Variants in CSMD1 observed in about 807,000 individuals in gnomAD.
CSMD1 encodes the protein CUB and sushi domain-containing protein 1.
In CSMD1, 213 loss-of-function variants were observed where a neutral mutation model predicts 417.5. That is an observed-to-expected ratio of 0.51 (90% CI 0.46 to 0.57). The LOEUF (loss-of-function observed/expected upper bound fraction) is 0.57. Among genes scored for constraint, CSMD1 ranks in the 20% least tolerant of loss-of-function variants. The probability of loss-of-function intolerance (pLI) is 0.00; values close to 1 mark genes in which losing one functional copy is unlikely to be tolerated. For missense variants in CSMD1, 6,923 were observed against 4,529.7 expected, an observed-to-expected ratio of 1.53 and a Z score of -15.17; for synonymous variants, 2,862 against 1,736.8, an observed-to-expected ratio of 1.65 and a Z score of -16.11.
chr8:2,962,616 T>A lies in CSMD1; in HGVS notation c.9478A>T (p.Ile3160Phe), dbSNP rs759792698. Residue 3160 changes from isoleucine to phenylalanine, a missense_variant, in exon 61 of 70, where the codon ATC becomes TTC. Physicochemically the swap from Ile to Phe is conservative, Grantham distance 21. Transcript: ENST00000635120. The part of the protein sequence containing the change: ...CLPVFCGDPG[I>F]PAEGRLSGKS... ...CCACTAAGTCGCCCTTCTGCGGGGA[T>A]GCCAGGGTCTCCGCAGAACACAGCT... The A allele has an allele frequency of 1.2e-6, 2 of 1,613,824 alleles. No individual in the cohort carries two copies. The highest frequency in any genetic ancestry group is 1.7e-6 in the Non-Finnish European group (2 of 1,179,820).
At chr8:3,616,121 T>C (rs1420185219) in intron 8 of CSMD1, among the ~76,000 whole-genome samples, 2 of 152,144 alleles carry the variant, frequency 1.3e-5, no homozygotes, top group Non-Finnish European at 2.9e-5. Context: ...TCTTTAAACA[T>C]TAAAAGAATT....
chr8:3,372,624 T>G (rs7014696), intron 18 of CSMD1, among the ~76,000 whole-genome samples: 117,211 of 151,964 alleles, frequency 0.77, 45,672 homozygotes, highest in African/African-American at 0.89. Flanking sequence ...TGATTGTGAG[T>G]TCATAACCTG....
At chr8:4,693,244 T>C (rs935786604) in intron 1 of CSMD1, among the ~76,000 whole-genome samples, 7 of 152,226 alleles carry the variant, frequency 4.6e-5, no homozygotes, top group African/African-American at 1.7e-4. Context: ...GCAAGAAATG[T>C]TCTCTGCCAA....
chr8:3,117,612 C>G (rs995128967), intron 42 of CSMD1, among the ~76,000 whole-genome samples: 6 of 152,146 alleles, frequency 3.9e-5, no homozygotes, highest in Non-Finnish European at 8.8e-5. Context: ...TCTTCCTACA[C>G]ATAGTATGGA....
intron 51 of CSMD1, among the ~76,000 whole-genome samples, chr8:3,021,171 C>T (rs1337145033): frequency 2.6e-5 from 4 of 152,186 alleles, no homozygotes; most frequent in African/African-American, 2.4e-5. Flanking sequence ...TCCCTCTGCT[C>T]GTATGGCTGT....
At chr8:4,975,406 T>C (rs1810491685) in intron 1 of CSMD1, among the ~76,000 whole-genome samples, 1 of 152,242 alleles carries the variant, frequency 6.6e-6, no homozygotes, top group Non-Finnish European at 1.5e-5. Context: ...GTAAGCGGCC[T>C]TATTGAATGT....
intron 7 of CSMD1, among the ~76,000 whole-genome samples, chr8:3,700,215 T>G (rs757248616): frequency 2.0e-5 from 3 of 152,144 alleles, no homozygotes; most frequent in Non-Finnish European, 4.4e-5. Flanking sequence ...AAGAGCTTAC[T>G]CATGTAACCA....
At chr8:3,423,585 CAATGGTCCTCCACTCTG>C (rs1813632157) in intron 12 of CSMD1, among the ~76,000 whole-genome samples, 1 of 152,122 alleles carries the variant, frequency 6.6e-6, no homozygotes, top group Non-Finnish European at 1.5e-5. Flanking sequence ...CCAGCTGACT[CAATGGTCCTCCACTCTG>C]TGGCTTTGGC....
At chr8:4,053,255 G>C (rs1238094023) in intron 3 of CSMD1, among the ~76,000 whole-genome samples, 2 of 152,220 alleles carry the variant, frequency 1.3e-5, no homozygotes, top group African/African-American at 2.4e-5. Context: ...AGACTACCAA[G>C]ATTTATTCAA....
chr8:3,493,647 C>A lies in CSMD1; in HGVS notation c.1424G>T (p.Gly475Val), dbSNP rs777977405. 3.7e-6 allele frequency: 6 copies of A among 1,611,464 alleles called. No homozygotes were observed. The highest frequency in any genetic ancestry group is 5.1e-6 in the Non-Finnish European group (6 of 1,178,918). ...TLTVGDAGKV[G>V]DTRSVLYVLT... Reference sequence around the variant, plus strand: ...CACGTACAAGACCGATCTGGTGTCTCCCACCTTCCCAGCATCACCAACCGT... The same window carrying A: ...CACGTACAAGACCGATCTGGTGTCTACCACCTTCCCAGCATCACCAACCGT... The change falls in exon 11 of 70, where the codon GGA becomes GTA. Residue 475 changes from glycine to valine, a missense_variant. Physicochemically the swap from Gly to Val is moderately radical, Grantham distance 109. Transcript: ENST00000635120.
chr8:4,942,793 A>C (rs1361023989), intron 1 of CSMD1, among the ~76,000 whole-genome samples: 1 of 152,254 alleles, frequency 6.6e-6, no homozygotes, highest in Non-Finnish European at 1.5e-5. Context: ...AGGGAATTGG[A>C]AACTGCAACT....
At chr8:4,659,163 C>T (rs1192974508) in intron 1 of CSMD1, among the ~76,000 whole-genome samples, 6 of 151,970 alleles carry the variant, frequency 3.9e-5, no homozygotes, top group Non-Finnish European at 5.9e-5. Flanking sequence ...TAAAAAGTTT[C>T]CTGGAGACAA....
chr8:4,061,133 C>T (rs764923528), intron 3 of CSMD1, among the ~76,000 whole-genome samples: 1 of 152,166 alleles, frequency 6.6e-6, no homozygotes, highest in African/African-American at 2.4e-5. Flanking sequence ...CTCCAGCAGG[C>T]TCATCTCATC....
At chr8:3,457,327 C>T (rs749261418) in intron 12 of CSMD1, among the ~76,000 whole-genome samples, 4 of 152,182 alleles carry the variant, frequency 2.6e-5, no homozygotes. Context: ...CACATCACAA[C>T]CTTTTTGCCA....
rs575363410 is a variant in CSMD1, at chr8:3,552,850, G to A, written c.1344+22095C>T. 1.1e-4 allele frequency among the ~76,000 whole-genome samples: 16 copies of A among 152,090 alleles called. No homozygotes were observed. In the South Asian group the frequency reaches 3.3e-3, roughly 32 times the overall value. On this transcript the variant is annotated intron_variant, in intron 10 of 69. Transcript: ENST00000635120. ...TATAATTTATATTCTTTTAAATTAA[G>A]TTATAAAAGATTTACTTGTTTAATA...
chr8:4,238,779 A>C (rs1013909150), intron 3 of CSMD1, among the ~76,000 whole-genome samples: 2 of 152,270 alleles, frequency 1.3e-5, no homozygotes, highest in South Asian at 4.1e-4. Flanking sequence ...CAGTTGGGTA[A>C]AGAAGACTTA....
At chr8:4,094,891 A>T (rs1800918860) in intron 3 of CSMD1, among the ~76,000 whole-genome samples, 1 of 152,230 alleles carries the variant, frequency 6.6e-6, no homozygotes, top group Admixed American at 6.5e-5. Context: ...TAAAAGACAG[A>T]TTGAAGAGGA....
At chr8:4,407,359 T>C (rs1056726097) in intron 3 of CSMD1, among the ~76,000 whole-genome samples, 5 of 152,242 alleles carry the variant, frequency 3.3e-5, no homozygotes, top group African/African-American at 9.6e-5. Flanking sequence ...TAAAACTCAA[T>C]TTTTACTATG....
chr8:4,902,190 A>T (rs958147363), intron 1 of CSMD1, among the ~76,000 whole-genome samples: 4 of 152,172 alleles, frequency 2.6e-5, no homozygotes, highest in African/African-American at 9.7e-5. Flanking sequence ...TGGAAGGATC[A>T]CTTGAAGCCA....
Sources: allele counts gnomAD v4.1 joint callset (sites outside exome capture counted in the v4.1 genomes callset), GRCh38; gene constraint gnomAD v4.1.1; transcripts MANE v1.5; gene names NCBI Gene and HGNC (gene_info 2026-07-23, HGNC 2026-07-21).